Variants in ZNF142 observed in about 807,000 individuals in gnomAD.
ZNF142 encodes zinc finger protein 142.
Under a neutral mutation model 132.1 loss-of-function variants are expected in ZNF142, and 96 were observed. The observed-to-expected ratio is 0.73, with a 90% CI of 0.62 to 0.86. The LOEUF is 0.86. ZNF142 is among the 40% of genes least tolerant of loss of function. The pLI, the probability that ZNF142 is intolerant of heterozygous loss-of-function variation, is 0.00. For missense variants in ZNF142, 2,163 were observed against 2,336.2 expected (o/e 0.93, Z 1.53); for synonymous variants, 842 against 890.1 (o/e 0.95, Z 0.96).
chr2:218,648,627 C>G lies in ZNF142; in HGVS notation c.1873+8G>C. The G allele has an allele frequency of 6.2e-7, 1 of 1,608,874 alleles. No homozygotes were observed. The highest frequency in any genetic ancestry group is 8.5e-7 in the Non-Finnish European group (1 of 1,175,652). On this transcript the variant is annotated splice_region_variant and intron_variant, in intron 7 of 10. Transcript: ENST00000411696. ...ACAACATTATTTTAAGGATGGAAAC[C>G]ATCCTACCCGTATGTAGAAGCATGT... is the stretch of plus-strand genomic sequence containing the variant.
chr2:218,640,893 A>G (rs556583048), intron 9 of ZNF142, 124 bp from the exon 10 acceptor site: 56 of 733,144 alleles, frequency 7.6e-5, no homozygotes, highest in Non-Finnish European at 1.2e-4. Context: ...ACATTATGGA[A>G]CTTTGTTTTT....
At position 218,633,664 on chromosome 2, in the gene ZNF142, C is replaced by T. The variant is rs1483758975; in HGVS notation, c.*4675G>A. 6.2e-7 allele frequency: 1 copy of T among 1,613,394 alleles called. No individual in the cohort carries two copies. The highest frequency in any genetic ancestry group is 1.1e-5 in the South Asian group (1 of 91,072). ...CCCTGGTTATCTACTTGAAGTCTGT[C>T]TCATTCCGCAGCTTCACACATTCAA... On this transcript the variant is annotated 3_prime_UTR_variant, in exon 11 of 11. Transcript: ENST00000411696.
intron 5 of ZNF142, among the ~76,000 whole-genome samples, 189 bp downstream of exon 5, chr2:218,651,512 C>G (rs1327192898): frequency 6.6e-6 from 1 of 152,242 alleles, no homozygotes; most frequent in Non-Finnish European, 1.5e-5. Context: ...AAGACTTCCT[C>G]TTTGTCCCAT....
intron 4 of ZNF142, 105 bp downstream of exon 4, chr2:218,656,045 G>A: frequency 7.6e-7 from 1 of 1,311,200 alleles, no homozygotes; most frequent in East Asian, 2.6e-5. Context: ...TATAAAAATA[G>A]GATGCTACCT....
chr2:218,656,477 C>G lies in ZNF142; in HGVS notation c.-34-14G>C, dbSNP rs768967632. The G allele has an allele frequency of 4.9e-6, 7 of 1,422,112 alleles. No homozygotes were observed. The highest frequency in any genetic ancestry group is 2.6e-5 in the Admixed American group (1 of 37,916). The allele number at this position is 1,422,112 out of a possible 1,614,324, so 88.1% of individuals were successfully genotyped here. A position where few individuals can be genotyped will look rare whatever the true frequency, so the allele number is the denominator to read the frequency against. On this transcript the variant is annotated splice_polypyrimidine_tract_variant and intron_variant, in intron 3 of 10. Coordinates refer to ENST00000411696, the MANE Select transcript of ZNF142 (RefSeq NM_001379659.1). ...GCTTCTTAAATGCTGACAAGCCAAC[C>G]AGAAGAAAAACAAAGTAAGGTTAGA...
intron 7 of ZNF142, among the ~76,000 whole-genome samples, chr2:218,647,715 TGG>T (rs1186608892): frequency 6.6e-6 from 1 of 152,180 alleles, no homozygotes; most frequent in East Asian, 1.9e-4. Flanking sequence ...ACTGACAGGC[TGG>T]GGGCCAGGTT....
At position 218,650,449 on chromosome 2, in the gene ZNF142, C is replaced by T; in HGVS notation, c.958G>A (p.Glu320Lys). The T allele has an allele frequency of 6.2e-7, 1 of 1,614,188 alleles. No homozygotes were observed. The highest frequency in any genetic ancestry group is 1.1e-5 in the South Asian group (1 of 91,084). Reference protein sequence around the residue: ...TPLPGQETAEEENVEKEEKSD... With the variant: ...TPLPGQETAEKENVEKEEKSD... ...TTCTCTTCTTTCTCTACATTCTCCT[C>T]TTCAGCTGTCTCCTGCCCAGGCAAG... is the stretch of plus-strand genomic sequence containing the variant. Residue 320 changes from glutamate (E) to lysine (K), a missense_variant, in exon 6 of 11, where the codon GAG (glutamate) becomes AAG (lysine). By Grantham distance (56) the Glu-to-Lys change is moderately conservative (BLOSUM62 1). Transcript: ENST00000411696.
chr2:218,641,439 T>C (rs1162831218), intron 9 of ZNF142, among the ~76,000 whole-genome samples: 1 of 151,412 alleles, frequency 6.6e-6, no homozygotes, highest in Admixed American at 6.6e-5. Context: ...AGAGACGGGG[T>C]TTCACAGTGT....
rs768075557 is a variant in ZNF142, at chr2:218,648,641, G to A, written c.1867C>T (p.His623Tyr). Residue 623 changes from histidine to tyrosine, a missense_variant, in exon 7 of 11, where the codon CAT (histidine) becomes TAT (tyrosine). This residue lies in a region of ZNF142 where 749 missense variants were observed against 830.3 expected (regional missense o/e 0.90). Coordinates refer to ENST00000411696, the MANE Select transcript of ZNF142 (RefSeq NM_001379659.1). ...AGGATGGAAACCATCCTACCCGTAT[G>A]TAGAAGCATGTGTCGGATGAGCACC... ...KRVLIRHMLL[H>Y]TGEKPHKCEL... 1 of 1,612,680 alleles carries A rather than the reference G, an allele frequency of 6.2e-7. No homozygotes were observed. Among genetic ancestry groups the A allele is most frequent in the Non-Finnish European group, 8.5e-7 (1 of 1,178,676 alleles).
Position 218,642,262 on chromosome 2 carries a change from A to G in ZNF142, c.4854T>C (p.Asp1618=), listed in dbSNP as rs1225885228. 6.2e-7 allele frequency: 1 copy of G among 1,614,126 alleles called. No homozygotes were observed. Among genetic ancestry groups the G allele is most frequent in the Non-Finnish European group, 8.5e-7 (1 of 1,180,038 alleles). ...GGCAGTGTAGCGGGGGCTGGCCAGC[A>G]TCCCCATCCCCATCTGAGGCTGCCA... ...AAVAASDGDG[D]AGQPPLHCPF... The change falls in exon 9 of 11, where the codon GAT becomes GAC. Residue 1618 remains aspartate, a synonymous_variant. Transcript: ENST00000411696. This position sits in a 1 kb window ranked among gnomAD's most constrained non-coding sequence, Gnocchi z 4.6.
rs767276190 is a variant in ZNF142 at position 218,638,510 on chromosome 2, C to T, written c.5493G>A (p.Lys1831=). Residue 1831 remains lysine, a synonymous_variant, in exon 11 of 11, where the codon AAG becomes AAA. Transcript: ENST00000411696. The part of the protein sequence containing the change: ...FFCRLCNYKA[K]QKFQVVKHVR... ...CGTGCTTGACCACCTGGAACTTTTG[C>T]TTGGCCTTGTAGTTGCAGAGGCGGC... 2.5e-6 allele frequency: 4 copies of T among 1,607,032 alleles called. No individual in the cohort carries two copies. Among genetic ancestry groups the T allele is most frequent in the East Asian group, 2.2e-5 (1 of 44,740 alleles).
At position 218,643,192 on chromosome 2, in the gene ZNF142, T is replaced by C. The variant is rs1297506243; in HGVS notation, c.3924A>G (p.Thr1308=). ...KQKGARFSCP[T]CPFSCQQERA... The stretch of plus-strand genomic sequence containing the variant: ...GTTCCTGCTGGCAGCTAAAGGGACA[T>C]GTAGGGCAGGAGAAGCGAGCCCCCT... Residue 1308 remains threonine (T), a synonymous_variant, in exon 9 of 11, where the codon ACA becomes ACG. Coordinates refer to ENST00000411696, the MANE Select transcript of ZNF142 (RefSeq NM_001379659.1). 9 of 1,614,106 alleles carry C rather than the reference T, an allele frequency of 5.6e-6. No individual in the cohort carries two copies. Among genetic ancestry groups the C allele is most frequent in the Admixed American group, 5.0e-5 (3 of 60,012 alleles).
Position 218,635,890 on chromosome 2 carries a change from T to C in ZNF142, c.*2449A>G, listed in dbSNP as rs1468803817. ...AAAGTGCAGATCTTTGGCGTTCGTCTAGACACAGCACGGCAGGAGACCAAC... is the reference window on the plus strand; with the variant it reads ...AAAGTGCAGATCTTTGGCGTTCGTCCAGACACAGCACGGCAGGAGACCAAC... On this transcript the variant is annotated 3_prime_UTR_variant, in exon 11 of 11. Transcript: ENST00000411696. 6 of 1,613,844 alleles carry C rather than the reference T, an allele frequency of 3.7e-6. No homozygotes were observed. The Admixed American group carries it at 6.7e-5, about 18-fold the overall frequency.
At chr2:218,653,219 G>C (rs937024012) in intron 4 of ZNF142, among the ~76,000 whole-genome samples, 3 of 149,300 alleles carry the variant, frequency 2.0e-5, no homozygotes, top group Non-Finnish European at 4.4e-5. Flanking sequence ...GGTGGAGGTT[G>C]CAGTGAGCCG....
rs866857892 is a variant in ZNF142, at chr2:218,642,236, G to A, written c.4880C>T (p.Pro1627Leu). Residue 1627 changes from proline (P) to leucine (L), a missense_variant, in exon 9 of 11, where the codon CCC becomes CTC. Pro to Leu is a moderately conservative substitution (Grantham distance 98). This residue lies in a region of ZNF142 where 325 missense variants were observed against 367.8 expected (regional missense o/e 0.88). Transcript: ENST00000411696. The surrounding 1 kb of genome is among the most constrained non-coding windows in gnomAD (Gnocchi z 4.6). ...ATGGCGGCATGTGAAGTCACAAAAG[G>A]GGCAGTGTAGCGGGGGCTGGCCAGC... Reference protein sequence around the residue: ...GDAGQPPLHCPFCDFTCRHQL... With the variant: ...GDAGQPPLHCLFCDFTCRHQL... 55 of 1,614,080 alleles carry A rather than the reference G, an allele frequency of 3.4e-5. No individual in the cohort carries two copies. The Admixed American group carries it at 6.2e-4, about 18-fold the overall frequency.
chr2:218,646,306 C>T lies in ZNF142; in HGVS notation c.1916G>A (p.Arg639Gln), dbSNP rs368775345. 1.5e-5 allele frequency: 24 copies of T among 1,614,066 alleles called. No homozygotes were observed. The highest frequency in any genetic ancestry group is 1.0e-4 in the Admixed American group (6 of 60,004). ...GTGCTTGGATAGGTAGCTCACGTCTCGGCATGTGAAGTCACACAGCTCACA... is the reference window on the plus strand; with the variant it reads ...GTGCTTGGATAGGTAGCTCACGTCTTGGCATGTGAAGTCACACAGCTCACA... ...HKCELCDFTCRDVSYLSKHML... is the reference protein window; with the variant it reads ...HKCELCDFTCQDVSYLSKHML... Residue 639 changes from arginine (R) to glutamine (Q), a missense_variant, in exon 8 of 11, where the codon CGA (arginine) becomes CAA (glutamine). Transcript: ENST00000411696.
chr2:218,652,710 G>A (rs966666284), intron 4 of ZNF142, among the ~76,000 whole-genome samples: 1 of 140,046 alleles, frequency 7.1e-6, no homozygotes, highest in Admixed American at 7.4e-5. Context: ...AAAGGCACAG[G>A]AATGGATAAA....
At chr2:218,646,874 A>C (rs998200663) in intron 7 of ZNF142, among the ~76,000 whole-genome samples, 1 of 151,750 alleles carries the variant, frequency 6.6e-6, no homozygotes, top group Non-Finnish European at 1.5e-5. Context: ...GGCGTGAGCC[A>C]CCGTGCCCAC....
At chr2:218,654,851 G>A (rs868361895) in intron 4 of ZNF142, among the ~76,000 whole-genome samples, 7 of 152,054 alleles carry the variant, frequency 4.6e-5, no homozygotes, top group Middle Eastern at 3.4e-3. Flanking sequence ...TTAGGAGGCC[G>A]AGGTGGGAAG....
Sources: allele counts gnomAD v4.1 joint callset (sites outside exome capture counted in the v4.1 genomes callset), GRCh38; gene constraint gnomAD v4.1.1; regional missense constraint gnomAD v4.1.1; non-coding constraint Gnocchi (gnomAD v3.1); transcripts MANE v1.5; gene names NCBI Gene and HGNC (gene_info 2026-07-23, HGNC 2026-07-21).